The following MAP7 variants were observed in gnomAD, a reference collection of about 807,000 sequenced individuals.
MAP7 encodes the protein microtubule associated protein 7, also known as ensconsin.
In MAP7, 52 loss-of-function variants were observed where a neutral mutation model predicts 94.8. That is an observed-to-expected ratio of 0.55 (90% CI 0.44 to 0.69). MAP7 has a LOEUF of 0.69. MAP7 is among the 30% of genes least tolerant of loss of function. The pLI is 0.00. For missense variants in MAP7, 940 were observed against 964.6 expected, an observed-to-expected ratio of 0.97 and a Z score of 0.34; for synonymous variants, 350 against 357.0, an observed-to-expected ratio of 0.98 and a Z score of 0.22.
chr6:136,453,252 C>T (rs749548359), intron 1 of MAP7, among the ~76,000 whole-genome samples: 2 of 152,134 alleles, frequency 1.3e-5, no homozygotes, highest in Non-Finnish European at 2.9e-5. Flanking sequence ...CTATTTTTCT[C>T]GTGGGTATAA....
chr6:136,398,855 G>A (rs1783262809), intron 3 of MAP7, among the ~76,000 whole-genome samples: 1 of 152,176 alleles, frequency 6.6e-6, no homozygotes, highest in South Asian at 2.1e-4. Flanking sequence ...TGAACTCAGT[G>A]CACTCATGGG....
At chr6:136,462,954 CAA>C (rs5880296) in intron 1 of MAP7, among the ~76,000 whole-genome samples, 14 of 124,920 alleles carry the variant, frequency 1.1e-4, no homozygotes, top group Admixed American at 1.7e-4. Context: ...GATCCTATCT[CAA>C]AAAAAAAAAA....
chr6:136,544,137 G>A (rs541486120), intron 1 of MAP7, among the ~76,000 whole-genome samples: 4 of 152,174 alleles, frequency 2.6e-5, no homozygotes, highest in Non-Finnish European at 5.9e-5. Flanking sequence ...GCCCAGGCTG[G>A]TCTCGAACTC....
intron 16 of MAP7, among the ~76,000 whole-genome samples, chr6:136,353,903 C>T (rs1789985644): frequency 6.6e-6 from 1 of 151,906 alleles, no homozygotes; most frequent in African/African-American, 2.4e-5. Context: ...CTGCAAACAT[C>T]CAGGGACTTG....
At chr6:136,471,411 T>G in intron 1 of MAP7, among the ~76,000 whole-genome samples, 1 of 152,228 alleles carries the variant, frequency 6.6e-6, no homozygotes, top group Non-Finnish European at 1.5e-5. Context: ...TGGGAGGGTT[T>G]TTGTTTGTTT....
chr6:136,387,532 G>T (rs943184362), intron 5 of MAP7, among the ~76,000 whole-genome samples: 1 of 152,052 alleles, frequency 6.6e-6, no homozygotes, highest in African/African-American at 2.4e-5. Context: ...GACTAAGGTG[G>T]TGATGCTTCA....
At chr6:136,519,904 A>T (rs758609284) in intron 1 of MAP7, among the ~76,000 whole-genome samples, 20 of 152,152 alleles carry the variant, frequency 1.3e-4, no homozygotes, top group Non-Finnish European at 2.5e-4. Flanking sequence ...CATGACAGAA[A>T]ACAACAAAAC....
rs148511993 is a variant in MAP7, at chr6:136,466,342, T to C, written c.68-44543A>G. Among the ~76,000 whole-genome samples the C allele has an allele frequency of 1.1e-4, 16 of 152,284 alleles. No homozygotes were observed. The East Asian group carries it at 2.5e-3, about 24-fold the overall frequency. On this transcript the variant is annotated intron_variant, in intron 1 of 17. Coordinates refer to ENST00000354570, the MANE Select transcript of MAP7 (RefSeq NM_003980.6). ...AAATATTAAGAGGTCTAAGAAATTA[T>C]CAGTAAATTATATACTGAAATTTTT... is the stretch of plus-strand genomic sequence containing the variant.
At chr6:136,421,023 T>C (rs1279943884) in intron 2 of MAP7, among the ~76,000 whole-genome samples, 1 of 152,228 alleles carries the variant, frequency 6.6e-6, no homozygotes, top group Non-Finnish European at 1.5e-5. Context: ...GTTATCATAC[T>C]GTACATTCAT....
At chr6:136,444,116 T>C (rs576687079) in intron 1 of MAP7, among the ~76,000 whole-genome samples, 1 of 152,358 alleles carries the variant, frequency 6.6e-6, no homozygotes, top group South Asian at 2.1e-4. Flanking sequence ...TTCTAAGGTA[T>C]GTGAAAACAA....
intron 1 of MAP7, among the ~76,000 whole-genome samples, chr6:136,545,763 AT>A (rs535189596): frequency 0.062 from 8,933 of 144,276 alleles, 632 homozygotes; most frequent in African/African-American, 0.17. Flanking sequence ...AACAAATTTA[AT>A]TTTTTTTTAT....
At chr6:136,356,899 T>A in intron 15 of MAP7, 105 bp from the exon 16 acceptor site, 2 of 865,074 alleles carry the variant, frequency 2.3e-6, no homozygotes, top group Non-Finnish European at 3.8e-6. Flanking sequence ...TTCTGCTACT[T>A]AAGTGATGTG....
intron 1 of MAP7, among the ~76,000 whole-genome samples, chr6:136,455,489 A>G (rs1185622356): frequency 6.6e-6 from 1 of 152,154 alleles, no homozygotes; most frequent in Non-Finnish European, 1.5e-5. Context: ...AAATGGACCT[A>G]AAAGACATAT....
At chr6:136,387,285 C>T (rs1779423531) in intron 5 of MAP7, among the ~76,000 whole-genome samples, 1 of 152,060 alleles carries the variant, frequency 6.6e-6, no homozygotes, top group African/African-American at 2.4e-5. Context: ...ACTTTGATCC[C>T]AGGTAATTTT....
chr6:136,352,221 T>C (rs1263727348), intron 16 of MAP7, among the ~76,000 whole-genome samples: 1 of 147,586 alleles, frequency 6.8e-6, no homozygotes, highest in Non-Finnish European at 1.5e-5. Context: ...AGGGTCCCAC[T>C]CTGTTGCCCA....
At chr6:136,420,338 G>C (rs527998736) in intron 2 of MAP7, 2 of 684,068 alleles carry the variant, frequency 2.9e-6, no homozygotes, top group African/African-American at 3.5e-5. Context: ...CTTGCCCTGC[G>C]TGCCCAGCCC....
chr6:136,533,999 C>T (rs1007917149), intron 1 of MAP7, among the ~76,000 whole-genome samples: 8 of 152,092 alleles, frequency 5.3e-5, no homozygotes, highest in Admixed American at 6.5e-5. Flanking sequence ...TTACTGAAAG[C>T]GTAATATCCT....
chr6:136,477,340 G>A (rs1407718280), intron 1 of MAP7, among the ~76,000 whole-genome samples: 3 of 152,190 alleles, frequency 2.0e-5, no homozygotes, highest in East Asian at 3.8e-4. Flanking sequence ...CTTCAAAAAT[G>A]TAATATCATG....
intron 11 of MAP7, 56 bp downstream of exon 11, chr6:136,362,384 AGAGGGGTGAT>A: frequency 6.4e-7 from 1 of 1,574,474 alleles, no homozygotes; most frequent in Non-Finnish European, 8.7e-7. Context: ...CCTCCCTCTC[AGAGGGGTGAT>A]GAGTTAATCC....
Sources: gnomAD v4.1 joint callset for allele counts (sites outside exome capture counted in the v4.1 genomes callset) on GRCh38, gnomAD v4.1.1 for gene constraint, MANE v1.5 for transcripts, NCBI Gene and HGNC (gene_info 2026-07-23, HGNC 2026-07-21) for gene names.